The following WHRN variants were observed in gnomAD, a reference collection of about 807,000 sequenced individuals.
WHRN encodes the protein CASK-interacting protein CIP98.
Under a neutral mutation model 68.3 loss-of-function variants are expected in WHRN, and 41 were observed. The ratio of observed to expected loss-of-function variants is 0.60; its 90% CI spans 0.47 to 0.78. The LOEUF (loss-of-function observed/expected upper bound fraction) is 0.78, where lower values mean the gene tolerates loss of function less well. WHRN is among the 30% of genes least tolerant of loss of function. The pLI is 0.00. For missense variants in WHRN, 1,243 were observed against 1,244.7 expected (o/e 1.00, Z 0.02); for synonymous variants, 560 against 561.3 (o/e 1.00, Z 0.03).
intron 3 of WHRN, among the ~76,000 whole-genome samples, chr9:114,454,755 C>A (rs1283594229): frequency 1.3e-5 from 2 of 151,772 alleles, no homozygotes; most frequent in African/African-American, 4.8e-5. Flanking sequence ...ACCAGAGGAG[C>A]CAAAACAATT....
Position 114,403,206 on chromosome 9 carries a change from TG to T in WHRN, c.2541+10del. 1.2e-6 allele frequency: 2 copies of T among 1,614,084 alleles called. No individual in the cohort carries two copies. The highest frequency in any genetic ancestry group is 4.5e-5 in the East Asian group (2 of 44,880). ...AGGGAGAGATGGCAAGTGGGGCCCC[TG>T]GGGACATACCTGAATAGTGACAATC... On this transcript the variant is annotated intron_variant, in intron 11 of 11. Transcript: ENST00000362057.
intron 3 of WHRN, among the ~76,000 whole-genome samples, chr9:114,439,444 T>C (rs1838177313): frequency 6.6e-6 from 1 of 152,232 alleles, no homozygotes; most frequent in Non-Finnish European, 1.5e-5. Context: ...TACTTTTGTG[T>C]CTTGTAAAAT....
At position 114,449,789 on chromosome 9, in the gene WHRN, A is replaced by T. The variant is rs185055912; in HGVS notation, c.963+16478T>A. On this transcript the variant is annotated intron_variant, in intron 3 of 11. Coordinates refer to ENST00000362057, the MANE Select transcript of WHRN (RefSeq NM_015404.4). Reference sequence around the variant, plus strand: ...CTGAGCATCGCAGATGTAACTGCAGATCAGTCTTGCCACAAGCCAATCGCT... The same window carrying T: ...CTGAGCATCGCAGATGTAACTGCAGTTCAGTCTTGCCACAAGCCAATCGCT... Among the ~76,000 whole-genome samples the T allele has an allele frequency of 4.1e-4, 63 of 152,286 alleles. 1 individual carries two copies. The highest frequency in any genetic ancestry group is 8.3e-4 in the South Asian group (4 of 4,826).
rs763238664 is a variant in WHRN at position 114,426,280 on chromosome 9, C to T, written c.1097G>A (p.Arg366His). 42 of 1,613,138 alleles carry T rather than the reference C, an allele frequency of 2.6e-5. No homozygotes were observed. In the East Asian group the frequency reaches 4.5e-4, roughly 17 times the overall value. The change falls in exon 4 of 12, where the codon CGC becomes CAC. Residue 366 changes from arginine to histidine, a missense_variant. Coordinates refer to ENST00000362057, the MANE Select transcript of WHRN (RefSeq NM_015404.4). ...CCACTTGGTCTCGTCCACAGTGGTGCGGGCATGGGGCAGCCTCCCGACGTC... is the reference window on the plus strand; with the variant it reads ...CCACTTGGTCTCGTCCACAGTGGTGTGGGCATGGGGCAGCCTCCCGACGTC... ...VKDVGRLPHA[R>H]TTVDETKWIA... is the part of the protein sequence containing the mutation.
At chr9:114,449,350 T>C (rs927942664) in intron 3 of WHRN, among the ~76,000 whole-genome samples, 1 of 152,174 alleles carries the variant, frequency 6.6e-6, no homozygotes, top group African/African-American at 2.4e-5. Context: ...CTCTCTCTGG[T>C]GGACAGAATG....
At chr9:114,440,541 T>A (rs978180973) in intron 3 of WHRN, among the ~76,000 whole-genome samples, 9 of 152,188 alleles carry the variant, frequency 5.9e-5, no homozygotes, top group Admixed American at 6.5e-5. Context: ...CTGCCCGACC[T>A]AAAAAATTAA....
intron 4 of WHRN, chr9:114,425,285 C>G: frequency 1.6e-6 from 1 of 635,378 alleles, no homozygotes; most frequent in Non-Finnish European, 2.8e-6. Flanking sequence ...TTGTTGCCAA[C>G]CCCGCAGGAC....
intron 3 of WHRN, among the ~76,000 whole-genome samples, chr9:114,447,709 C>T (rs1003780231): frequency 6.6e-6 from 1 of 152,084 alleles, no homozygotes; most frequent in Non-Finnish European, 1.5e-5. Context: ...ACAAGGACTC[C>T]ACCTTTCCAA....
chr9:114,405,643 T>C (rs1010328643), intron 9 of WHRN, among the ~76,000 whole-genome samples: 1 of 152,236 alleles, frequency 6.6e-6, no homozygotes, highest in East Asian at 1.9e-4. Flanking sequence ...CTCCCTCAGC[T>C]GCCTCCCCTC....
intron 3 of WHRN, among the ~76,000 whole-genome samples, chr9:114,446,672 C>T (rs550565264): frequency 1.3e-5 from 2 of 152,236 alleles, no homozygotes; most frequent in South Asian, 4.1e-4. Flanking sequence ...GGCTCAAACC[C>T]TTTGAGGTTT....
At chr9:114,427,443 C>T (rs1051664624) in intron 3 of WHRN, among the ~76,000 whole-genome samples, 1 of 152,150 alleles carries the variant, frequency 6.6e-6, no homozygotes, top group Non-Finnish European at 1.5e-5. Flanking sequence ...GGTCCAAGGA[C>T]GGGAAAGGGC....
chr9:114,429,105 T>C (rs953280335), intron 3 of WHRN, among the ~76,000 whole-genome samples: 22 of 152,152 alleles, frequency 1.4e-4, no homozygotes, highest in Admixed American at 2.0e-4. Flanking sequence ...TAACTTTTTG[T>C]ATTTTAGTAG....
chr9:114,491,769 G>A (rs1029642196), intron 1 of WHRN: 6 of 270,090 alleles, frequency 2.2e-5, no homozygotes, highest in Admixed American at 2.2e-4. Flanking sequence ...CAACCCTCCC[G>A]CCCTTTGCCT....
chr9:114,452,191 G>C (rs1293891519), intron 3 of WHRN, among the ~76,000 whole-genome samples: 2 of 152,216 alleles, frequency 1.3e-5, no homozygotes, highest in Non-Finnish European at 2.9e-5. Context: ...TCATGCTGCT[G>C]TATCTTCTGC....
At chr9:114,488,323 T>C (rs951098805) in intron 1 of WHRN, among the ~76,000 whole-genome samples, 7 of 152,146 alleles carry the variant, frequency 4.6e-5, no homozygotes, top group African/African-American at 1.7e-4. Context: ...GTAGCATTAG[T>C]AACAGCAAAA....
chr9:114,464,150 A>G (rs1840468438), intron 3 of WHRN, among the ~76,000 whole-genome samples: 1 of 152,254 alleles, frequency 6.6e-6, no homozygotes, highest in Non-Finnish European at 1.5e-5. Flanking sequence ...TGCTAACAAC[A>G]GAACCTACTT....
In WHRN at chr9:114,469,450, G is replaced by A. The variant is rs188314624; in HGVS notation, c.838-3058C>T. Reference sequence around the variant, plus strand: ...ACTGCTCCCCCTCCAGGACCAAGGCGCTCCTCCTCAGGGCAGCGAGTCTCT... The same window carrying A: ...ACTGCTCCCCCTCCAGGACCAAGGCACTCCTCCTCAGGGCAGCGAGTCTCT... On this transcript the variant is annotated intron_variant, in intron 2 of 11. Transcript: ENST00000362057. Among the ~76,000 whole-genome samples the A allele has an allele frequency of 8.1e-3, 1,227 of 152,332 alleles. 9 individuals are homozygous for A. Among genetic ancestry groups the A allele is most frequent in the Non-Finnish European group, 0.011 (745 of 68,034 alleles).
At chr9:114,442,876 G>A (rs989980970) in intron 3 of WHRN, among the ~76,000 whole-genome samples, 7 of 152,062 alleles carry the variant, frequency 4.6e-5, no homozygotes, top group African/African-American at 1.2e-4. Context: ...AACGCAAAAC[G>A]CACAAATACA....
intron 3 of WHRN, among the ~76,000 whole-genome samples, chr9:114,464,957 A>G (rs190808866): frequency 1.4e-4 from 22 of 152,096 alleles, no homozygotes; most frequent in African/African-American, 4.8e-4. Context: ...ACAGTTTTAG[A>G]GGCTGGGAAA....
Sources: gnomAD v4.1 joint callset for allele counts (sites outside exome capture counted in the v4.1 genomes callset) on GRCh38, gnomAD v4.1.1 for gene constraint, MANE v1.5 for transcripts, NCBI Gene and HGNC (gene_info 2026-07-23, HGNC 2026-07-21) for gene names.